Variants in RBFOX1 observed in about 807,000 individuals in gnomAD.
RBFOX1 encodes RNA binding protein fox-1 homolog 1.
A neutral mutation model predicts 57.7 loss-of-function variants in RBFOX1; 8 were observed. The observed-to-expected ratio is 0.14, with a 90% CI of 0.08 to 0.25. The LOEUF is 0.25. Among genes scored for constraint, RBFOX1 ranks in the 10% least tolerant of loss-of-function variants. RBFOX1 has a pLI of 1.00. For missense variants in RBFOX1, 611 were observed against 548.5 expected, an observed-to-expected ratio of 1.11 and a Z score of -1.14; for synonymous variants, 326 against 222.4, an observed-to-expected ratio of 1.47 and a Z score of -4.15.
intron 3 of RBFOX1, among the ~76,000 whole-genome samples, chr16:6,937,005 G>C (rs1311427096): frequency 2.6e-5 from 4 of 151,592 alleles, no homozygotes; most frequent in African/African-American, 9.7e-5. Context: ...TGACGAGTTA[G>C]TGGGGGTAGC....
chr16:6,996,028 C>A (rs1162505041), intron 3 of RBFOX1, among the ~76,000 whole-genome samples: 1 of 152,210 alleles, frequency 6.6e-6, no homozygotes, highest in African/African-American at 2.4e-5. Flanking sequence ...TCTCAACTTA[C>A]CTTGATAACT....
intron 3 of RBFOX1, among the ~76,000 whole-genome samples, chr16:5,841,919 T>C (rs2056635250): frequency 6.6e-6 from 1 of 152,222 alleles, no homozygotes; most frequent in Non-Finnish European, 1.5e-5. Context: ...TGATTTGAAA[T>C]TAAACACCAC....
intron 3 of RBFOX1, among the ~76,000 whole-genome samples, chr16:5,627,694 TAAAAG>T (rs1393230868): frequency 1.3e-5 from 2 of 151,824 alleles, no homozygotes; most frequent in Admixed American, 6.6e-5. Context: ...GGTTGAAAAA[TAAAAG>T]AAACAGTAAA....
At chr16:6,082,546 T>C (rs2096019663) in intron 1 of RBFOX1, among the ~76,000 whole-genome samples, 1 of 151,746 alleles carries the variant, frequency 6.6e-6, no homozygotes, top group Middle Eastern at 3.2e-3. Context: ...GTCTTTTCCC[T>C]TTCAAATAGG....
chr16:6,898,149 G>T (rs1465618548), intron 3 of RBFOX1, among the ~76,000 whole-genome samples: 2 of 152,188 alleles, frequency 1.3e-5, no homozygotes, highest in Admixed American at 6.5e-5. Flanking sequence ...GCCAAATCAT[G>T]CATCATAATT....
At chr16:6,930,640 C>T (rs932954196) in intron 3 of RBFOX1, among the ~76,000 whole-genome samples, 1 of 152,138 alleles carries the variant, frequency 6.6e-6, no homozygotes, top group African/African-American at 2.4e-5. Context: ...GAGCTCCTCA[C>T]CTTAGGTGAT....
At chr16:6,478,528 C>G (rs55781181) in intron 2 of RBFOX1, among the ~76,000 whole-genome samples, 24,488 of 145,520 alleles carry the variant, frequency 0.17, 2,148 homozygotes, top group Middle Eastern at 0.21. Context: ...CTTGCCTTGG[C>G]CTCCCAAAAT....
intron 1 of RBFOX1, among the ~76,000 whole-genome samples, chr16:6,123,779 C>T (rs897545399): frequency 6.6e-6 from 1 of 152,152 alleles, no homozygotes; most frequent in Non-Finnish European, 1.5e-5. Context: ...TTGGCACATG[C>T]CTGTAATCCC....
At chr16:6,592,230 A>T (rs1422242596) in intron 2 of RBFOX1, among the ~76,000 whole-genome samples, 1 of 152,174 alleles carries the variant, frequency 6.6e-6, no homozygotes, top group African/African-American at 2.4e-5. Flanking sequence ...ACTACCAGCC[A>T]TTGGGCTTTC....
intron 4 of RBFOX1, among the ~76,000 whole-genome samples, chr16:7,380,602 A>T (rs1040522676): frequency 6.6e-6 from 1 of 152,100 alleles, no homozygotes; most frequent in Non-Finnish European, 1.5e-5. Context: ...CAGTTTCCAA[A>T]CTCTGGTCTG....
chr16:6,397,049 T>C (rs1332461317), intron 2 of RBFOX1, among the ~76,000 whole-genome samples: 4 of 152,168 alleles, frequency 2.6e-5, no homozygotes, highest in Non-Finnish European at 5.9e-5. Flanking sequence ...AACAGAAGAC[T>C]AGTGATTTAT....
At chr16:6,841,108 C>G (rs1401931247) in intron 3 of RBFOX1, among the ~76,000 whole-genome samples, 1 of 151,048 alleles carries the variant, frequency 6.6e-6, no homozygotes, top group Non-Finnish European at 1.5e-5. Flanking sequence ...TTTCAATTTT[C>G]TTGTGCATTT....
At chr16:7,371,164 A>G (rs1011874450) in intron 4 of RBFOX1, among the ~76,000 whole-genome samples, 2 of 152,064 alleles carry the variant, frequency 1.3e-5, no homozygotes, top group African/African-American at 4.8e-5. Context: ...TCCCTCCCAA[A>G]CTGGCCCCAT....
chr16:7,199,254 T>G (rs540975675), intron 4 of RBFOX1, among the ~76,000 whole-genome samples: 1 of 152,322 alleles, frequency 6.6e-6, no homozygotes, highest in African/African-American at 2.4e-5. Flanking sequence ...CAAGATTTCC[T>G]TCAGTGTGAT....
intron 4 of RBFOX1, among the ~76,000 whole-genome samples, chr16:7,176,056 C>G (rs2081586066): frequency 1.3e-5 from 2 of 151,764 alleles, no homozygotes; most frequent in Non-Finnish European, 2.9e-5. Flanking sequence ...TGGACCTCAG[C>G]CAATAGCAGT....
At chr16:6,967,373 A>G (rs1308470884) in intron 3 of RBFOX1, among the ~76,000 whole-genome samples, 1 of 152,150 alleles carries the variant, frequency 6.6e-6, no homozygotes, top group Non-Finnish European at 1.5e-5. Context: ...TGAGCAGGGA[A>G]GAGATTAGAG....
intron 2 of RBFOX1, among the ~76,000 whole-genome samples, chr16:5,581,152 G>T (rs1218705147): frequency 6.6e-6 from 1 of 152,152 alleles, no homozygotes; most frequent in Non-Finnish European, 1.5e-5. Flanking sequence ...GGCTTTCTTG[G>T]ACTCCTATGT....
intron 4 of RBFOX1, chr16:7,332,767 C>T (rs2096715181): frequency 1.1e-5 from 15 of 1,379,616 alleles, no homozygotes; most frequent in Admixed American, 3.0e-5. Context: ...ATTTTGGTAG[C>T]TTCAACTTTG....
intron 3 of RBFOX1, among the ~76,000 whole-genome samples, chr16:7,020,060 C>G (rs542628508): frequency 1.4e-4 from 21 of 151,730 alleles, no homozygotes; most frequent in African/African-American, 4.6e-4. Flanking sequence ...TTAGGTGAAC[C>G]TTTCATGTCT....
Sources: allele counts gnomAD v4.1 joint callset (sites outside exome capture counted in the v4.1 genomes callset), GRCh38; gene constraint gnomAD v4.1.1; transcripts MANE v1.5; gene names NCBI Gene and HGNC (gene_info 2026-07-23, HGNC 2026-07-21).